The following RGS6 variants were observed in gnomAD, a reference collection of about 807,000 sequenced individuals.
RGS6 encodes regulator of G-protein signaling 6.
A neutral mutation model predicts 78.5 loss-of-function variants in RGS6; 30 were observed. The ratio of observed to expected loss-of-function variants is 0.38; its 90% confidence interval spans 0.29 to 0.52. The LOEUF (loss-of-function observed/expected upper bound fraction) is 0.52. RGS6 is among the 20% of genes least tolerant of loss of function. The pLI is 0.85. For missense variants in RGS6, 495 were observed against 609.7 expected (o/e 0.81, Z 1.98); for synonymous variants, 206 against 206.0 (o/e 1.00, Z 0.00).
chr14:72,218,774 G>A (rs2046197327), intron 2 of RGS6, among the ~76,000 whole-genome samples: 4 of 151,974 alleles, frequency 2.6e-5, no homozygotes, highest in Admixed American at 2.0e-4. Context: ...ACCATGCCCA[G>A]CTAATTTTTG....
intron 2 of RGS6, among the ~76,000 whole-genome samples, chr14:72,317,301 T>C (rs1252169405): frequency 6.6e-6 from 1 of 152,180 alleles, no homozygotes; most frequent in African/African-American, 2.4e-5. Context: ...TTGAGGGAAT[T>C]TGATGAAATA....
At chr14:71,953,942 G>T (rs2092564399) in intron 1 of RGS6, among the ~76,000 whole-genome samples, 1 of 132,114 alleles carries the variant, frequency 7.6e-6, no homozygotes. Context: ...AAGGATAATT[G>T]CACTAGATGT....
chr14:72,140,994 A>T (rs921300960), intron 2 of RGS6, among the ~76,000 whole-genome samples: 3 of 152,162 alleles, frequency 2.0e-5, no homozygotes, highest in Non-Finnish European at 1.5e-5. Context: ...AGCAAACTAT[A>T]TTTGAACATT....
the RGS6 span, among the ~76,000 whole-genome samples, chr14:71,925,415 C>G: frequency 2.0e-5 from 3 of 152,132 alleles, no homozygotes; most frequent in African/African-American, 7.2e-5. Flanking sequence ...GATGTAGTCC[C>G]ACTTGTTTAT....
At chr14:72,291,900 T>A (rs889596252) in intron 2 of RGS6, among the ~76,000 whole-genome samples, 13 of 152,328 alleles carry the variant, frequency 8.5e-5, no homozygotes, top group Admixed American at 3.9e-4. Flanking sequence ...AGCTGGTCCC[T>A]TTTCAAAATA....
chr14:72,177,169 T>G (rs2097115755), intron 2 of RGS6, among the ~76,000 whole-genome samples: 1 of 152,228 alleles, frequency 6.6e-6, no homozygotes, highest in Non-Finnish European at 1.5e-5. Context: ...TTTGTTTTTT[T>G]CAAATGAAAC....
chr14:72,346,181 A>C (rs1053144133), intron 2 of RGS6, among the ~76,000 whole-genome samples: 2 of 152,242 alleles, frequency 1.3e-5, no homozygotes, highest in Non-Finnish European at 2.9e-5. Flanking sequence ...AAGTTGTGGT[A>C]GATTTTTTTA....
At chr14:71,947,612 G>T (rs1000517781) in intron 1 of RGS6, among the ~76,000 whole-genome samples, 2 of 152,104 alleles carry the variant, frequency 1.3e-5, no homozygotes, top group African/African-American at 4.8e-5. Context: ...AGCCTCCCAA[G>T]TAGCTGGGAC....
At chr14:72,517,852 A>G (rs1030541568) in intron 14 of RGS6, among the ~76,000 whole-genome samples, 2 of 152,234 alleles carry the variant, frequency 1.3e-5, no homozygotes, top group Non-Finnish European at 2.9e-5. Flanking sequence ...CACTGTCTGC[A>G]TGGTGGCATG....
intron 2 of RGS6, among the ~76,000 whole-genome samples, chr14:72,286,224 A>G (rs1297220584): frequency 6.6e-6 from 1 of 152,162 alleles, no homozygotes; most frequent in South Asian, 2.1e-4. Flanking sequence ...ATTCTTTTGC[A>G]TATAAGTATT....
At chr14:72,394,834 T>C (rs112691718) in intron 3 of RGS6, among the ~76,000 whole-genome samples, 2,467 of 152,242 alleles carry the variant, frequency 0.016, 79 homozygotes, top group African/African-American at 0.056. Flanking sequence ...CACAAGAATA[T>C]TGATTGGGGA....
rs1555480179 is a variant in RGS6, at chr14:72,096,293, A to AG, written c.84+131419dup. Among the ~76,000 whole-genome samples, 76 of 150,828 alleles carry AG rather than the reference A, an allele frequency of 5.0e-4. 1 individual carries two copies. Among genetic ancestry groups the AG allele is most frequent in the African/African-American group, 1.0e-3 (41 of 41,088 alleles). ...GAGACTCTGTCTTAAAAAAAAAAAA[A>AG]GAAAAGAAAAACACACAGATGTATG... On this transcript the variant is annotated intron_variant, in intron 2 of 17. Coordinates refer to ENST00000553525, the MANE Select transcript of RGS6 (RefSeq NM_001204424.2).
chr14:72,615,951 G>A, the RGS6 span, among the ~76,000 whole-genome samples: 1 of 152,228 alleles, frequency 6.6e-6, no homozygotes, highest in South Asian at 2.1e-4. Flanking sequence ...ACAGTACAGA[G>A]GGGTGAAGCC....
the RGS6 span, among the ~76,000 whole-genome samples, chr14:71,870,777 G>C: frequency 6.6e-6 from 1 of 152,148 alleles, no homozygotes; most frequent in Admixed American, 6.5e-5. Flanking sequence ...CAGCTGCCAG[G>C]GTCTTTTCCC....
At chr14:72,512,595 G>T (rs537051289) in intron 14 of RGS6, among the ~76,000 whole-genome samples, 67 of 152,258 alleles carry the variant, frequency 4.4e-4, no homozygotes, top group Non-Finnish European at 8.1e-4. Context: ...GACTTCAGAG[G>T]GTCACCCCTG....
In RGS6 at chr14:72,047,714, T is replaced by G. The variant is rs538470851; in HGVS notation, c.84+82839T>G. Among the ~76,000 whole-genome samples, 16 of 152,186 alleles carry G rather than the reference T, an allele frequency of 1.1e-4. No homozygotes were observed. The South Asian group carries it at 3.1e-3, about 30-fold the overall frequency. ...TTTGCCTTCATATCATGGTTTGAAT[T>G]TACAAACTTCATTTCTTTTTCTTTT... On this transcript the variant is annotated intron_variant, in intron 2 of 17. Coordinates refer to ENST00000553525, the MANE Select transcript of RGS6 (RefSeq NM_001204424.2).
chr14:72,311,260 T>C (rs1490073732), intron 2 of RGS6, among the ~76,000 whole-genome samples: 1 of 152,242 alleles, frequency 6.6e-6, no homozygotes, highest in Non-Finnish European at 1.5e-5. Flanking sequence ...TCTGCCTGTT[T>C]CAAATCTTGA....
chr14:72,343,879 G>C (rs1452101808), intron 2 of RGS6, among the ~76,000 whole-genome samples: 1 of 152,204 alleles, frequency 6.6e-6, no homozygotes, highest in African/African-American at 2.4e-5. Flanking sequence ...GTAATTTGAG[G>C]AGATTAGAAT....
intron 2 of RGS6, among the ~76,000 whole-genome samples, chr14:71,976,232 T>G (rs1247033241): frequency 6.6e-6 from 1 of 151,194 alleles, no homozygotes; most frequent in African/African-American, 2.4e-5. Flanking sequence ...CTTTTTTTTT[T>G]GTTCTTCTGT....
Sources: gnomAD v4.1 joint callset for allele counts (sites outside exome capture counted in the v4.1 genomes callset) on GRCh38, gnomAD v4.1.1 for gene constraint, MANE v1.5 for transcripts, NCBI Gene and HGNC (gene_info 2026-07-23, HGNC 2026-07-21) for gene names.